DYNLRB2: variants seen among roughly 807,000 people sequenced by gnomAD.
DYNLRB2 encodes dynein light chain roadblock-type 2.
In DYNLRB2, 14 loss-of-function variants were observed where a neutral mutation model predicts 12.6. The ratio of observed to expected loss-of-function variants is 1.11; its 90% confidence interval spans 0.73 to 1.73. The LOEUF is 1.73. Ranked by LOEUF, DYNLRB2 falls within the 40% of genes most tolerant of loss-of-function variation. The pLI, the probability that DYNLRB2 is intolerant of heterozygous loss-of-function variation, is 0.00. For synonymous variants in DYNLRB2, 53 were observed against 37.0 expected (o/e 1.43, Z -1.57); for missense variants, 142 against 117.7 (o/e 1.21, Z -0.95).
At chr16:80,542,795 T>C (rs1904299541) in intron 1 of DYNLRB2, among the ~76,000 whole-genome samples, 1 of 152,198 alleles carries the variant, frequency 6.6e-6, no homozygotes, top group African/African-American at 2.4e-5. Context: ...TCCGAACTGA[T>C]TAGGTCACAT....
Position 80,543,204 on chromosome 16 carries a change from A to C in DYNLRB2, c.4-72A>C. 2.7e-6 allele frequency: 4 copies of C among 1,473,886 alleles called. No homozygotes were observed. The Admixed American group carries it at 7.2e-5, about 26-fold the overall frequency. 91.3% of individuals were successfully genotyped at this position (1,473,886 alleles called of 1,614,324 possible). A position where few individuals can be genotyped will look rare whatever the true frequency, so the allele number is the denominator to read the frequency against. ...GAGATAGGAGAGTAGGTATCTTGCTAAACATTATTCTCCTTAGGGTTGAAG... is the reference window on the plus strand; with the variant it reads ...GAGATAGGAGAGTAGGTATCTTGCTCAACATTATTCTCCTTAGGGTTGAAG... On this transcript the variant is annotated intron_variant, in intron 1 of 3. Transcript: ENST00000305904.
chr16:80,543,178 G>T, intron 1 of DYNLRB2, 98 bp from the exon 2 acceptor site: 1 of 1,224,526 alleles, frequency 8.2e-7, no homozygotes. Context: ...CTTAGGTTAA[G>T]GAGATAGGAG....
At chr16:80,541,383 C>T in intron 1 of DYNLRB2, 6 of 984,354 alleles carry the variant, frequency 6.1e-6, no homozygotes, top group Non-Finnish European at 7.2e-6. Flanking sequence ...AGTGAGAAAT[C>T]CGGGGAGCCA....
At chr16:80,544,031 A>G (rs7199042) in intron 2 of DYNLRB2, among the ~76,000 whole-genome samples, 149,581 of 152,312 alleles carry the variant, frequency 0.98, 73,503 homozygotes, top group Middle Eastern at 1. Flanking sequence ...AAGGGCAAGG[A>G]GTGCCAGAAA....
intron 1 of DYNLRB2, among the ~76,000 whole-genome samples, chr16:80,541,672 A>T (rs1384053005): frequency 6.6e-6 from 1 of 151,130 alleles, no homozygotes; most frequent in Non-Finnish European, 1.5e-5. Flanking sequence ...GATGGGGATT[A>T]AGAAATTATA....
chr16:80,549,147 C>A (rs1167328905), intron 2 of DYNLRB2: 1 of 382,310 alleles, frequency 2.6e-6, no homozygotes, highest in Admixed American at 3.2e-5. Flanking sequence ...AATGACCAAA[C>A]AATAGGAGAT....
chr16:80,541,146 C>G, intron 1 of DYNLRB2, 67 bp downstream of exon 1: 1 of 1,557,972 alleles, frequency 6.4e-7, no homozygotes, highest in Non-Finnish European at 8.7e-7. Flanking sequence ...ACCTTCGCAC[C>G]CAGCTTCTGG....
intron 1 of DYNLRB2, among the ~76,000 whole-genome samples, 176 bp from the exon 2 acceptor site, chr16:80,543,100 G>C (rs139887508): frequency 1.3e-5 from 2 of 152,288 alleles, no homozygotes; most frequent in African/African-American, 4.8e-5. Context: ...GTCTTACGTA[G>C]GTATTTATGT....
Position 80,550,592 on chromosome 16 carries a change from G to A in DYNLRB2, c.*34G>A, listed in dbSNP as rs1392633368. On this transcript the variant is annotated 3_prime_UTR_variant, in exon 4 of 4. Coordinates refer to ENST00000305904, the MANE Select transcript of DYNLRB2 (RefSeq NM_130897.3). ...TGGCCAAGGCTGTTTAAGCGACACT[G>A]GGTTGGAAACACTTGGCTCTCTCAT... is the stretch of plus-strand genomic sequence containing the variant. 1.2e-6 allele frequency: 2 copies of A among 1,613,072 alleles called. No homozygotes were observed. The highest frequency in any genetic ancestry group is 3.3e-5 in the Admixed American group (2 of 59,988).
At chr16:80,547,815 G>C (rs770517251) in intron 2 of DYNLRB2, 18 of 456,446 alleles carry the variant, frequency 3.9e-5, no homozygotes, top group Non-Finnish European at 1.3e-5. Flanking sequence ...CAGAGAAAAA[G>C]TGGCCAACAA....
At chr16:80,541,309 C>T in intron 1 of DYNLRB2, 1 of 976,128 alleles carries the variant, frequency 1.0e-6, no homozygotes, top group Non-Finnish European at 1.2e-6. Context: ...GGGGATGGTA[C>T]ATAAGGAGGG....
intron 1 of DYNLRB2, among the ~76,000 whole-genome samples, chr16:80,541,997 T>A (rs1904292553): frequency 6.6e-6 from 1 of 152,226 alleles, no homozygotes; most frequent in African/African-American, 2.4e-5. Context: ...TCTTCCATTT[T>A]GTTCAACCTT....
At chr16:80,542,714 C>G (rs1328355136) in intron 1 of DYNLRB2, among the ~76,000 whole-genome samples, 2 of 152,146 alleles carry the variant, frequency 1.3e-5, no homozygotes, top group Non-Finnish European at 2.9e-5. Context: ...GAGACGCAAG[C>G]TATAGTTATC....
intron 2 of DYNLRB2, chr16:80,548,912 C>T: frequency 2.2e-6 from 1 of 455,952 alleles, no homozygotes; most frequent in South Asian, 1.5e-5. Flanking sequence ...CTAGCATGTG[C>T]AGTGATATCC....
chr16:80,541,118 G>T (rs1477952911), intron 1 of DYNLRB2, 39 bp downstream of exon 1: 1 of 1,603,556 alleles, frequency 6.2e-7, no homozygotes. Context: ...GCCGTTCCAA[G>T]CACGCCGACC....
intron 2 of DYNLRB2, 142 bp from the exon 3 acceptor site, chr16:80,549,341 TA>T: frequency 1.2e-6 from 1 of 803,996 alleles, no homozygotes; most frequent in Non-Finnish European, 1.8e-6. Flanking sequence ...TTGAGGGAAA[TA>T]AACTAAAATT....
intron 1 of DYNLRB2, chr16:80,541,396 A>AAAG (rs1299342934): frequency 2.0e-6 from 2 of 984,526 alleles, no homozygotes; most frequent in Non-Finnish European, 2.4e-6. Context: ...GGGAGCCAGG[A>AAAG]AAGTTTCCAA....
intron 2 of DYNLRB2, chr16:80,549,212 G>T: frequency 2.7e-6 from 1 of 375,232 alleles, no homozygotes. Flanking sequence ...TAATGTTGAT[G>T]ACATTGTCAA....
At chr16:80,543,854 C>T (rs7197982) in intron 2 of DYNLRB2, among the ~76,000 whole-genome samples, 140,825 of 152,282 alleles carry the variant, frequency 0.92, 65,415 homozygotes, top group Non-Finnish European at 0.98. Flanking sequence ...GAAGGCCCTA[C>T]ATATTTCCAA....
Sources: gnomAD v4.1 joint callset for allele counts (sites outside exome capture counted in the v4.1 genomes callset) on GRCh38, gnomAD v4.1.1 for gene constraint, MANE v1.5 for transcripts, NCBI Gene and HGNC (gene_info 2026-07-23, HGNC 2026-07-21) for gene names.